ARMH4: variants seen among roughly 807,000 people sequenced by gnomAD.
ARMH4 encodes armadillo-like helical domain-containing protein 4.
A neutral mutation model predicts 61.9 loss-of-function variants in ARMH4; 49 were observed. The observed-to-expected ratio is 0.79, with a 90% CI of 0.63 to 1.00. The LOEUF (loss-of-function observed/expected upper bound fraction) is 1.00. Among genes scored for constraint, ARMH4 ranks in the 50% least tolerant of loss-of-function variants. The probability of loss-of-function intolerance (pLI) is 0.00; values close to 1 mark genes in which losing one functional copy is unlikely to be tolerated. For synonymous variants in ARMH4, 368 were observed against 341.5 expected (o/e 1.08, Z -0.85); for missense variants, 934 against 930.0 (o/e 1.00, Z -0.06).
chr14:58,128,937 A>T (rs1231527505), intron 4 of ARMH4, among the ~76,000 whole-genome samples: 1 of 152,174 alleles, frequency 6.6e-6, no homozygotes, highest in East Asian at 1.9e-4. Flanking sequence ...AAAAGCAAGG[A>T]AAACTTGAGC....
At chr14:58,056,118 A>AT (rs1884339710) in intron 5 of ARMH4, among the ~76,000 whole-genome samples, 1 of 152,186 alleles carries the variant, frequency 6.6e-6, no homozygotes, top group African/African-American at 2.4e-5. Flanking sequence ...CTTGGTGATA[A>AT]TTTTTTAGAG....
chr14:58,062,172 T>C (rs1485989046), intron 5 of ARMH4, among the ~76,000 whole-genome samples: 3 of 151,976 alleles, frequency 2.0e-5, no homozygotes, highest in Non-Finnish European at 1.5e-5. Context: ...ACCCAGTCTC[T>C]AGAAAGATAA....
intron 6 of ARMH4, among the ~76,000 whole-genome samples, chr14:58,006,345 G>A (rs1475911180): frequency 6.6e-6 from 1 of 152,122 alleles, no homozygotes; most frequent in Admixed American, 6.5e-5. Flanking sequence ...TTTTAATACA[G>A]CACAAACTGT....
chr14:58,143,819 G>A (rs143230975), intron 1 of ARMH4, among the ~76,000 whole-genome samples: 51 of 143,254 alleles, frequency 3.6e-4, no homozygotes, highest in African/African-American at 1.4e-3. Context: ...TGTCACCCAG[G>A]TCGGAGTTTG....
chr14:58,097,102 T>C, intron 4 of ARMH4, 121 bp from the exon 5 acceptor site: 1 of 1,070,388 alleles, frequency 9.3e-7, no homozygotes, highest in Non-Finnish European at 1.4e-6. Flanking sequence ...AAACACATCT[T>C]TATAGCCAAA....
intron 6 of ARMH4, among the ~76,000 whole-genome samples, chr14:58,006,959 C>A (rs1882200859): frequency 6.6e-6 from 1 of 151,650 alleles, no homozygotes; most frequent in African/African-American, 2.4e-5. Flanking sequence ...TTGTAGAAGC[C>A]CAAACTTTTT....
rs1882013401 is a variant in ARMH4, at chr14:58,002,381, A to T, written c.*2355T>A. On this transcript the variant is annotated 3_prime_UTR_variant, in exon 8 of 8. Transcript: ENST00000267485. ...GTATAATCTTTTCCTTTAAGAAATC[A>T]TGTGTCCCAAAAAGGACCACAGAGA... The T allele has an allele frequency of 6.6e-6, 1 of 152,236 alleles. No homozygotes were observed. The highest frequency in any genetic ancestry group is 1.5e-5 in the Non-Finnish European group (1 of 68,050). The allele number at this position is 152,236 out of a possible 1,614,324, so 9.4% of individuals were successfully genotyped here. A position where few individuals can be genotyped will look rare whatever the true frequency, so the allele number is the denominator to read the frequency against.
At chr14:58,014,617 T>C (rs1245848462) in intron 5 of ARMH4, among the ~76,000 whole-genome samples, 2 of 152,104 alleles carry the variant, frequency 1.3e-5, no homozygotes, top group African/African-American at 2.4e-5. Flanking sequence ...ATGACACATA[T>C]TTAAATAGAA....
At chr14:58,109,002 G>C (rs930074694) in intron 4 of ARMH4, among the ~76,000 whole-genome samples, 3 of 151,948 alleles carry the variant, frequency 2.0e-5, no homozygotes, top group Non-Finnish European at 4.4e-5. Context: ...CTTTCTATTG[G>C]GCTGTCTGTC....
At position 58,138,793 on chromosome 14, in the gene ARMH4, T is replaced by C. The variant is rs750884016; in HGVS notation, c.566A>G (p.Asn189Ser). 1 of 1,614,118 alleles carries C rather than the reference T, an allele frequency of 6.2e-7. No homozygotes were observed. The highest frequency in any genetic ancestry group is 8.5e-7 in the Non-Finnish European group (1 of 1,180,050). ...CTGACTTTCAGTTGCAAATGATTGA[T>C]TATCCATATACTTCAGAAAACCTTT... is the stretch of plus-strand genomic sequence containing the variant. ...TTKGFLKYMD[N>S]QSFATESQEG... Residue 189 changes from asparagine to serine, a missense_variant, in exon 2 of 8, where the codon AAT becomes AGT. Asn to Ser is a conservative substitution (Grantham distance 46). Transcript: ENST00000267485.
intron 5 of ARMH4, among the ~76,000 whole-genome samples, chr14:58,031,573 C>T (rs535979719): frequency 6.6e-6 from 1 of 152,250 alleles, no homozygotes; most frequent in South Asian, 2.1e-4. Flanking sequence ...AATATTTTTC[C>T]AAGACTTGTG....
chr14:58,064,073 GGT>G (rs1884623967), intron 5 of ARMH4, among the ~76,000 whole-genome samples: 1 of 151,384 alleles, frequency 6.6e-6, no homozygotes, highest in African/African-American at 2.5e-5. Flanking sequence ...ATCAACAATA[GGT>G]TGAGCCAACA....
At chr14:58,031,235 A>T (rs1009022139) in intron 5 of ARMH4, among the ~76,000 whole-genome samples, 1 of 152,220 alleles carries the variant, frequency 6.6e-6, no homozygotes, top group African/African-American at 2.4e-5. Context: ...AGCATCGATT[A>T]GACACTAGAA....
chr14:58,106,549 T>C (rs1177166263), intron 4 of ARMH4, among the ~76,000 whole-genome samples: 1 of 152,214 alleles, frequency 6.6e-6, no homozygotes, highest in Admixed American at 6.5e-5. Flanking sequence ...TAGAGAAATG[T>C]CCTGTTGCAA....
chr14:58,064,914 T>C (rs1452677882), intron 5 of ARMH4, among the ~76,000 whole-genome samples: 2 of 152,170 alleles, frequency 1.3e-5, no homozygotes, highest in South Asian at 2.1e-4. Context: ...CTGGATCTTG[T>C]AGGATGAATT....
At position 58,005,139 on chromosome 14, in the gene ARMH4, A is replaced by G; in HGVS notation, c.2165T>C (p.Ile722Thr). The change falls in exon 7 of 8, where the codon ATA (isoleucine) becomes ACA (threonine). Residue 722 changes from isoleucine (I) to threonine (T), a missense_variant. By Grantham distance (89) the Ile-to-Thr change is moderately conservative (BLOSUM62 -1). Transcript: ENST00000267485. Reference sequence around the variant, plus strand: ...TCCCAAGATGAACAAGGCTCCAGCTATCCCAACCCCTACAGGCACCAGCAT... The same window carrying G: ...TCCCAAGATGAACAAGGCTCCAGCTGTCCCAACCCCTACAGGCACCAGCAT... ...SGMLVPVGVGIAGALFILGAL... is the reference protein window; with the variant it reads ...SGMLVPVGVGTAGALFILGAL... 2 of 1,613,970 alleles carry G rather than the reference A, an allele frequency of 1.2e-6. No homozygotes were observed. The highest frequency in any genetic ancestry group is 1.7e-6 in the Non-Finnish European group (2 of 1,179,926).
rs910664211 is a variant in ARMH4 at position 58,127,395 on chromosome 14, C to G, written c.1831+4117G>C. 2.6e-5 allele frequency among the ~76,000 whole-genome samples: 4 copies of G among 152,268 alleles called. No individual in the cohort carries two copies. In the South Asian group the frequency reaches 8.3e-4, roughly 32 times the overall value. On this transcript the variant is annotated intron_variant, in intron 4 of 7. Coordinates refer to ENST00000267485, the MANE Select transcript of ARMH4 (RefSeq NM_001001872.4). ...AAAGGGCAGTTCCCCTATACAAGCT[C>G]TCTTGCCTGCTGTCATATAAGATGT...
chr14:58,010,377 A>G (rs559295366), intron 6 of ARMH4, among the ~76,000 whole-genome samples: 9 of 152,200 alleles, frequency 5.9e-5, no homozygotes, highest in Non-Finnish European at 8.8e-5. Flanking sequence ...TAAAATATAC[A>G]TATCAAATTA....
chr14:58,064,523 C>A (rs540438279), intron 5 of ARMH4, among the ~76,000 whole-genome samples: 1 of 152,162 alleles, frequency 6.6e-6, no homozygotes, highest in Non-Finnish European at 1.5e-5. Context: ...AAAGACTACA[C>A]TTATTCCAAT....
Sources: gnomAD v4.1 joint callset for allele counts (sites outside exome capture counted in the v4.1 genomes callset) on GRCh38, gnomAD v4.1.1 for gene constraint, MANE v1.5 for transcripts, NCBI Gene and HGNC (gene_info 2026-07-23, HGNC 2026-07-21) for gene names.